NUP107: variants seen among roughly 807,000 people sequenced by gnomAD.
NUP107 encodes nuclear pore complex protein Nup107.
A neutral mutation model predicts 141.0 loss-of-function variants in NUP107; 101 were observed. That is an observed-to-expected ratio of 0.72 (90% CI 0.61 to 0.84). NUP107 has a LOEUF of 0.84. NUP107 is among the 40% of genes least tolerant of loss of function. The pLI, the probability that NUP107 is intolerant of heterozygous loss-of-function variation, is 0.00. For synonymous variants in NUP107, 319 were observed against 363.9 expected (o/e 0.88, Z 1.41); for missense variants, 941 against 1,102.7 (o/e 0.85, Z 2.08).
At chr12:68,712,433 A>G (rs917372658) in intron 10 of NUP107, among the ~76,000 whole-genome samples, 1 of 150,822 alleles carries the variant, frequency 6.6e-6, no homozygotes, top group Non-Finnish European at 1.5e-5. Flanking sequence ...AAAAAAAAAA[A>G]AAAAAAAAAA....
chr12:68,687,595 A>T, intron 1 of NUP107: 1 of 986,400 alleles, frequency 1.0e-6, no homozygotes, highest in Non-Finnish European at 1.2e-6. Context: ...TAAAGTGGTA[A>T]GTGTTTGGGG....
intron 8 of NUP107, among the ~76,000 whole-genome samples, chr12:68,703,254 A>T (rs1876421217): frequency 6.6e-6 from 1 of 152,198 alleles, no homozygotes; most frequent in Admixed American, 6.5e-5. Context: ...TATATTAGAG[A>T]GTTAGAGGTA....
chr12:68,700,212 G>C (rs560900368), intron 6 of NUP107, among the ~76,000 whole-genome samples: 1 of 151,938 alleles, frequency 6.6e-6, no homozygotes, highest in South Asian at 2.1e-4. Flanking sequence ...CCTCTGAAAA[G>C]GTTTAAGACC....
At position 68,709,231 on chromosome 12, in the gene NUP107, A is replaced by T. The variant is rs1275814143; in HGVS notation, c.730-7A>T. 3 of 1,554,662 alleles carry T rather than the reference A, an allele frequency of 1.9e-6. No homozygotes were observed. The South Asian group carries it at 3.5e-5, about 18-fold the overall frequency. Reference sequence around the variant, plus strand: ...TCTGTTTATCCTTTTAATATTTTTCATAATAGGCTGTTAATGCCAGTGAAA... The same window carrying T: ...TCTGTTTATCCTTTTAATATTTTTCTTAATAGGCTGTTAATGCCAGTGAAA... On this transcript the variant is annotated splice_region_variant and splice_polypyrimidine_tract_variant and intron_variant, in intron 8 of 27. Coordinates refer to ENST00000229179, the MANE Select transcript of NUP107 (RefSeq NM_020401.4).
chr12:68,733,427 C>A, intron 23 of NUP107, 25 bp from the exon 24 acceptor site: 1 of 1,596,416 alleles, frequency 6.3e-7, no homozygotes, highest in South Asian at 1.1e-5. Flanking sequence ...CGTAGGCATT[C>A]AAAATTGTGT....
intron 25 of NUP107, 113 bp downstream of exon 25, chr12:68,734,946 C>A: frequency 8.4e-7 from 1 of 1,196,854 alleles, no homozygotes; most frequent in Non-Finnish European, 1.2e-6. Context: ...GGTAATCTCC[C>A]TGTTAATGTC....
At chr12:68,691,857 G>C (rs1592490394) in intron 4 of NUP107, 111 bp from the exon 5 acceptor site, 1 of 639,428 alleles carries the variant, frequency 1.6e-6, no homozygotes. Context: ...AAAAAAAAAA[G>C]ACGCATACAT....
At chr12:68,716,453 A>T (rs981729302) in intron 12 of NUP107, among the ~76,000 whole-genome samples, 1 of 151,306 alleles carries the variant, frequency 6.6e-6, no homozygotes, top group Admixed American at 6.6e-5. Context: ...CTGATCGTGA[A>T]CACCTGGGCT....
intron 18 of NUP107, 42 bp from the exon 19 acceptor site, chr12:68,726,457 A>G: frequency 2.3e-6 from 3 of 1,281,582 alleles, no homozygotes; most frequent in South Asian, 1.2e-5. Context: ...TTTTCTTTTG[A>G]TTTTATTCCT....
chr12:68,731,328 T>C (rs1372039885), intron 21 of NUP107, 68 bp downstream of exon 21: 14 of 1,433,648 alleles, frequency 9.8e-6, no homozygotes, highest in Non-Finnish European at 9.4e-6. Flanking sequence ...TGTAGTAACA[T>C]TTGTCCTTAT....
chr12:68,714,857 A>G (rs1006912851), intron 11 of NUP107, among the ~76,000 whole-genome samples: 16 of 152,196 alleles, frequency 1.1e-4, no homozygotes, highest in African/African-American at 3.6e-4. Context: ...TTAATCCCAA[A>G]ATAGGTCTTA....
In NUP107 at chr12:68,725,758, A is replaced by G; in HGVS notation, c.1538A>G (p.His513Arg). 6.5e-7 allele frequency: 1 copy of G among 1,537,990 alleles called. No individual in the cohort carries two copies. Among genetic ancestry groups the G allele is most frequent in the Non-Finnish European group, 8.8e-7 (1 of 1,130,354 alleles). The change falls in exon 18 of 28, where the codon CAT (histidine) becomes CGT (arginine). Residue 513 changes from histidine (H) to arginine (R), a missense_variant. His to Arg is a conservative substitution (Grantham distance 29). Transcript: ENST00000229179. ...RVLEENQEHY[H>R]IVQKFLILGD... is the part of the protein sequence containing the mutation. Reference sequence around the variant, plus strand: ...CTGGAAGAGAATCAAGAACATTATCATATAGTTCAAAAGTTTCTTATCCTG... The same window carrying G: ...CTGGAAGAGAATCAAGAACATTATCGTATAGTTCAAAAGTTTCTTATCCTG...
chr12:68,722,062 C>A, intron 16 of NUP107, 42 bp from the exon 17 acceptor site: 1 of 1,609,020 alleles, frequency 6.2e-7, no homozygotes, highest in Non-Finnish European at 8.5e-7. Context: ...ACCCCTTTTT[C>A]ATATTATTAA....
intron 17 of NUP107, among the ~76,000 whole-genome samples, chr12:68,724,132 A>G (rs1877460866): frequency 6.7e-6 from 1 of 149,992 alleles, no homozygotes; most frequent in Non-Finnish European, 1.5e-5. Context: ...ATACAAGACA[A>G]CGTTTTTTTT....
intron 22 of NUP107, among the ~76,000 whole-genome samples, chr12:68,732,167 T>G (rs1877858354): frequency 6.6e-6 from 1 of 152,276 alleles, no homozygotes; most frequent in South Asian, 2.1e-4. Flanking sequence ...CAACAAGGTC[T>G]AGCTCTGTTA....
rs542764273 is a variant in NUP107, at chr12:68,721,068, A to G, written c.1252-50A>G. The stretch of plus-strand genomic sequence containing the variant: ...ACTCCACATTATGAGGAAAATTGAC[A>G]TACTAAGAAAAACAATATTTCAAAT... On this transcript the variant is annotated intron_variant, in intron 14 of 27. Coordinates refer to ENST00000229179, the MANE Select transcript of NUP107 (RefSeq NM_020401.4). The G allele has an allele frequency of 3.5e-5, 43 of 1,235,308 alleles. No homozygotes were observed. The South Asian group carries it at 4.3e-4, about 12-fold the overall frequency. The allele number at this position is 1,235,308 out of a possible 1,614,324, so 76.5% of individuals were successfully genotyped here.
intron 24 of NUP107, among the ~76,000 whole-genome samples, chr12:68,733,829 GTAGA>G (rs1877952149): frequency 6.6e-6 from 1 of 152,188 alleles, no homozygotes; most frequent in African/African-American, 2.4e-5. Context: ...ATCTCACATG[GTAGA>G]TAGTGTCTAT....
At chr12:68,741,606 T>C (rs911565573) in intron 26 of NUP107, among the ~76,000 whole-genome samples, 7 of 152,230 alleles carry the variant, frequency 4.6e-5, no homozygotes, top group Non-Finnish European at 8.8e-5. Flanking sequence ...ATTCAGGACA[T>C]AGTAAGTTTA....
At chr12:68,728,040 T>G (rs1034662236) in intron 20 of NUP107, among the ~76,000 whole-genome samples, 20 of 152,056 alleles carry the variant, frequency 1.3e-4, no homozygotes, top group Admixed American at 5.9e-4. Flanking sequence ...CCCAACACTT[T>G]GGGAGGCAGA....
Sources: gnomAD v4.1 joint callset for allele counts (sites outside exome capture counted in the v4.1 genomes callset) on GRCh38, gnomAD v4.1.1 for gene constraint, MANE v1.5 for transcripts, NCBI Gene and HGNC (gene_info 2026-07-23, HGNC 2026-07-21) for gene names.